The following APLF variants were observed in gnomAD, a reference collection of about 807,000 sequenced individuals.
APLF encodes aprataxin and PNK-like factor.
A neutral mutation model predicts 55.6 loss-of-function variants in APLF; 61 were observed. The ratio of observed to expected loss-of-function variants is 1.10; its 90% confidence interval spans 0.89 to 1.36. The LOEUF (loss-of-function observed/expected upper bound fraction) is 1.36, where lower values mean the gene tolerates loss of function less well. Ranked by LOEUF, APLF falls within the 40% of genes most tolerant of loss-of-function variation. The pLI, the probability that APLF is intolerant of heterozygous loss-of-function variation, is 0.00. For synonymous variants in APLF, 207 were observed against 214.8 expected (o/e 0.96, Z 0.32); for missense variants, 611 against 602.5 (o/e 1.01, Z -0.15).
At position 68,537,872 on chromosome 2, in the gene APLF, G is replaced by A. The variant is rs1158814942; in HGVS notation, c.805G>A (p.Glu269Lys). ...GATGTTTTTCATATTTGTTTTACAG[G>A]AAATGCCACAATCATTTTCTGCAAT... Reference protein sequence around the residue: ...DQEESTISSKEMPQSFSAITL... With the variant: ...DQEESTISSKKMPQSFSAITL... The change falls in exon 7 of 10, where the codon GAA (glutamate) becomes AAA (lysine). Residue 269 changes from glutamate (E) to lysine (K), a missense_variant and splice_region_variant. Glu to Lys is a moderately conservative substitution (Grantham distance 56, BLOSUM62 1). Transcript: ENST00000303795. 8 of 1,549,456 alleles carry A rather than the reference G, an allele frequency of 5.2e-6. No homozygotes were observed. Among genetic ancestry groups the A allele is most frequent in the Non-Finnish European group, 7.0e-6 (8 of 1,145,312 alleles).
At chr2:68,500,985 A>C (rs1372201560) in intron 2 of APLF, among the ~76,000 whole-genome samples, 3 of 152,194 alleles carry the variant, frequency 2.0e-5, no homozygotes, top group Admixed American at 1.3e-4. Context: ...TGTAACTTGA[A>C]TTTAAAAATC....
chr2:68,467,939 C>T, intron 1 of APLF, 112 bp downstream of exon 1: 7 of 807,070 alleles, frequency 8.7e-6, no homozygotes, highest in Non-Finnish European at 1.2e-5. Context: ...TCCGCCGGTC[C>T]GGATTTTAGA....
Position 68,538,210 on chromosome 2 carries a change from T to A in APLF, c.1143T>A (p.Tyr381Ter). 1 of 1,603,216 alleles carries A rather than the reference T, an allele frequency of 6.2e-7. No homozygotes were observed. Among genetic ancestry groups the A allele is most frequent in the East Asian group, 2.2e-5 (1 of 44,842 alleles). Residue 381 changes from tyrosine to a stop codon, truncating the protein, a stop_gained, in exon 7 of 10, where the codon TAT (tyrosine) becomes TAA (stop). Coordinates refer to ENST00000303795, the MANE Select transcript of APLF (RefSeq NM_173545.3). LOFTEE classifies it high-confidence loss of function. ...GNKVKRTSCMYGANCYRKNPV... is the reference protein window; with the variant it reads ...GNKVKRTSCM ...AGGTCAAGAGGACATCCTGCATGTA[T>A]GGGGCAAACTGCTATAGGTAAAATG...
intron 8 of APLF, among the ~76,000 whole-genome samples, chr2:68,564,047 T>C (rs1031519466): frequency 1.3e-5 from 2 of 152,072 alleles, no homozygotes; most frequent in South Asian, 4.1e-4. Context: ...TTTTCTAAAG[T>C]AAAGATGAAA....
At chr2:68,490,692 C>T (rs1676330563) in intron 2 of APLF, among the ~76,000 whole-genome samples, 2 of 152,080 alleles carry the variant, frequency 1.3e-5, no homozygotes, top group South Asian at 2.1e-4. Context: ...TGTTCAACTT[C>T]GAGGTTTGAA....
intron 7 of APLF, among the ~76,000 whole-genome samples, chr2:68,542,336 A>G (rs1158927280): frequency 1.3e-5 from 2 of 152,200 alleles, no homozygotes; most frequent in African/African-American, 4.8e-5. Context: ...CTGTACATGA[A>G]AGAACAAAAT....
chr2:68,574,495 C>T (rs943172106), intron 9 of APLF, among the ~76,000 whole-genome samples: 4 of 152,130 alleles, frequency 2.6e-5, no homozygotes, highest in African/African-American at 4.8e-5. Flanking sequence ...TGACTTGGCT[C>T]TTCAAGTGTT....
chr2:68,549,027 C>T (rs1017080160), intron 8 of APLF, among the ~76,000 whole-genome samples: 1 of 151,932 alleles, frequency 6.6e-6, no homozygotes, highest in African/African-American at 2.4e-5. Flanking sequence ...TTAAATAAAT[C>T]TTTAATATTA....
At chr2:68,519,966 A>G (rs921287415) in intron 5 of APLF, among the ~76,000 whole-genome samples, 2 of 151,620 alleles carry the variant, frequency 1.3e-5, no homozygotes, top group African/African-American at 2.4e-5. Flanking sequence ...CACCACATCC[A>G]CACCAACATC....
intron 2 of APLF, among the ~76,000 whole-genome samples, chr2:68,493,337 T>G (rs1428832469): frequency 6.6e-6 from 1 of 151,808 alleles, no homozygotes; most frequent in African/African-American, 2.4e-5. Context: ...GAAAAAAAAA[T>G]TAGATCCCTA....
intron 8 of APLF, among the ~76,000 whole-genome samples, chr2:68,554,509 T>C (rs1020538835): frequency 1.3e-5 from 2 of 152,160 alleles, no homozygotes; most frequent in African/African-American, 4.8e-5. Context: ...ATTTTTACAA[T>C]ATTGATTCTA....
chr2:68,518,170 T>C (rs1177810253), intron 5 of APLF, among the ~76,000 whole-genome samples: 7 of 105,488 alleles, frequency 6.6e-5, no homozygotes, highest in African/African-American at 2.6e-4. Context: ...ATAATAGTAA[T>C]ATAATATATT....
At chr2:68,556,153 A>T (rs1671001941) in intron 8 of APLF, among the ~76,000 whole-genome samples, 2 of 152,198 alleles carry the variant, frequency 1.3e-5, no homozygotes, top group African/African-American at 4.8e-5. Flanking sequence ...AGCTGTGAGG[A>T]TGCAAAGGCA....
intron 2 of APLF, among the ~76,000 whole-genome samples, chr2:68,491,357 T>G (rs1335181247): frequency 1.3e-5 from 2 of 152,238 alleles, no homozygotes; most frequent in Non-Finnish European, 2.9e-5. Context: ...CTCTGACTAA[T>G]CTTTGTATCC....
At chr2:68,486,123 CCTT>C (rs1676166806) in intron 1 of APLF, among the ~76,000 whole-genome samples, 1 of 152,004 alleles carries the variant, frequency 6.6e-6, no homozygotes, top group Admixed American at 6.6e-5. Flanking sequence ...GTTTCTCTGT[CCTT>C]CTGACATGCA....
intron 8 of APLF, among the ~76,000 whole-genome samples, chr2:68,555,295 CAAAGAT>C (rs2104038079): frequency 1.3e-5 from 2 of 152,142 alleles, no homozygotes; most frequent in East Asian, 3.9e-4. Flanking sequence ...GCAATAATAA[CAAAGAT>C]AAATAGCTGG....
chr2:68,522,994 C>T (rs1669936753), intron 5 of APLF, among the ~76,000 whole-genome samples: 1 of 151,654 alleles, frequency 6.6e-6, no homozygotes, highest in South Asian at 2.1e-4. Flanking sequence ...GTAGATTTAC[C>T]TAAATAAAAA....
At chr2:68,512,206 C>G (rs997291830) in intron 3 of APLF, among the ~76,000 whole-genome samples, 19 of 151,648 alleles carry the variant, frequency 1.3e-4, no homozygotes, top group African/African-American at 3.6e-4. Context: ...GTAGTCTGTC[C>G]CTTCACTCCA....
At chr2:68,558,781 CT>C (rs1371406663) in intron 8 of APLF, among the ~76,000 whole-genome samples, 1 of 152,262 alleles carries the variant, frequency 6.6e-6, no homozygotes, top group African/African-American at 2.4e-5. Flanking sequence ...CTTCCTGATG[CT>C]CTCCCTCTGC....
Sources: gnomAD v4.1 joint callset for allele counts (sites outside exome capture counted in the v4.1 genomes callset) on GRCh38, gnomAD v4.1.1 for gene constraint, MANE v1.5 for transcripts, NCBI Gene and HGNC (gene_info 2026-07-23, HGNC 2026-07-21) for gene names.